Variants in NT5DC1 observed in about 807,000 individuals in gnomAD.
NT5DC1 encodes the protein 5'-nucleotidase domain-containing protein 1.
NT5DC1 carries 42 observed loss-of-function variants against 59.4 expected under a neutral mutation model. The observed-to-expected ratio is 0.71, with a 90% CI of 0.55 to 0.92. The LOEUF (loss-of-function observed/expected upper bound fraction) is 0.92. Ranked by LOEUF, NT5DC1 falls within the 40% of genes least tolerant of loss-of-function variation. The probability of loss-of-function intolerance (pLI) is 0.00; values close to 1 mark genes in which losing one functional copy is unlikely to be tolerated. For missense variants in NT5DC1, 501 were observed against 537.1 expected, an observed-to-expected ratio of 0.93 and a Z score of 0.66; for synonymous variants, 172 against 188.1, an observed-to-expected ratio of 0.91 and a Z score of 0.70.
intron 11 of NT5DC1, among the ~76,000 whole-genome samples, chr6:116,240,882 G>T (rs1013401681): frequency 2.0e-5 from 3 of 152,114 alleles, no homozygotes; most frequent in African/African-American, 4.8e-5. Context: ...GGTGGCTCAC[G>T]CCTGTAATCC....
At chr6:116,104,322 T>C (rs2114896429) in intron 1 of NT5DC1, among the ~76,000 whole-genome samples, 1 of 152,346 alleles carries the variant, frequency 6.6e-6, no homozygotes, top group African/African-American at 2.4e-5. Context: ...TTGCTGTCCC[T>C]GTTGGCGTCT....
intron 6 of NT5DC1, among the ~76,000 whole-genome samples, chr6:116,164,662 G>A (rs1279623549): frequency 1.3e-5 from 2 of 152,128 alleles, no homozygotes; most frequent in Non-Finnish European, 2.9e-5. Flanking sequence ...TTATTTTATA[G>A]GATGTGTGAA....
At chr6:116,156,221 G>T (rs73566408) in intron 6 of NT5DC1, among the ~76,000 whole-genome samples, 4 of 151,964 alleles carry the variant, frequency 2.6e-5, no homozygotes, top group African/African-American at 9.7e-5. Flanking sequence ...TCTTGTGTTT[G>T]CTCTTCACTT....
At chr6:116,202,323 C>T (rs199846390) in intron 6 of NT5DC1, among the ~76,000 whole-genome samples, 2 of 151,912 alleles carry the variant, frequency 1.3e-5, no homozygotes, top group East Asian at 3.9e-4. Flanking sequence ...AGTAGCAGAA[C>T]AAAGTTCCTT....
In NT5DC1 at chr6:116,245,108, A is replaced by T. The variant is rs1284903308; in HGVS notation, c.*1084A>T. On this transcript the variant is annotated 3_prime_UTR_variant, in exon 12 of 12. Coordinates refer to ENST00000319550, the MANE Select transcript of NT5DC1 (RefSeq NM_152729.3). ...AATGAACAAAAAGTTTGAGAAAAAA[A>T]TGCTTTAATGGGTTTTACAGGCATG... 6.6e-6 allele frequency: 1 copy of T among 152,190 alleles called. No individual in the cohort carries two copies. Among genetic ancestry groups the T allele is most frequent in the Non-Finnish European group, 1.5e-5 (1 of 68,030 alleles). The allele number at this position is 152,190 out of a possible 1,614,324, so 9.4% of individuals were successfully genotyped here. A position where few individuals can be genotyped will look rare whatever the true frequency, so the allele number is the denominator to read the frequency against.
chr6:116,100,982 G>A lies in NT5DC1; in HGVS notation c.52G>A (p.Asp18Asn). Residue 18 changes from aspartate to asparagine, a missense_variant, in exon 1 of 12, where the codon GAC becomes AAC. Transcript: ENST00000319550. ...CTGCGACGTGGTCGGATTCGACCTG[G>A]ACCACACTCTGTGTCGCTACAACCT... ...AACDVVGFDL[D>N]HTLCRYNLPE... The A allele has an allele frequency of 5.0e-6, 8 of 1,605,644 alleles. No individual in the cohort carries two copies. The highest frequency in any genetic ancestry group is 6.8e-6 in the Non-Finnish European group (8 of 1,177,102).
intron 1 of NT5DC1, among the ~76,000 whole-genome samples, chr6:116,102,316 A>AT (rs1247350081): frequency 6.6e-6 from 1 of 151,906 alleles, no homozygotes; most frequent in Non-Finnish European, 1.5e-5. Flanking sequence ...CAGATGCTAA[A>AT]TTTTTTTTTA....
chr6:116,236,551 A>T (rs1782116971), intron 8 of NT5DC1, among the ~76,000 whole-genome samples: 1 of 152,198 alleles, frequency 6.6e-6, no homozygotes, highest in Non-Finnish European at 1.5e-5. Flanking sequence ...AATCTGATAG[A>T]CTACTAATTA....
intron 8 of NT5DC1, among the ~76,000 whole-genome samples, chr6:116,235,365 A>T (rs1046437489): frequency 2.0e-5 from 3 of 152,172 alleles, no homozygotes; most frequent in Non-Finnish European, 4.4e-5. Flanking sequence ...CTAGTACATG[A>T]TTTTGGCTTC....
At chr6:116,166,901 A>G (rs924264673) in intron 6 of NT5DC1, among the ~76,000 whole-genome samples, 1 of 152,214 alleles carries the variant, frequency 6.6e-6, no homozygotes, top group Non-Finnish European at 1.5e-5. Flanking sequence ...TTTGTTATTC[A>G]GAATTGAGCC....
intron 6 of NT5DC1, chr6:116,120,885 C>T (rs1376204099): frequency 6.2e-7 from 1 of 1,613,908 alleles, no homozygotes; most frequent in East Asian, 2.2e-5. Context: ...ACTCCAGGAT[C>T]ACCTTTTGGA....
chr6:116,108,535 TTTAA>T (rs1170016018), intron 3 of NT5DC1, 100 bp downstream of exon 3: 26 of 712,500 alleles, frequency 3.6e-5, no homozygotes, highest in Non-Finnish European at 6.4e-5. Flanking sequence ...ATATGATTAT[TTTAA>T]TTAATCAGAT....
At chr6:116,120,282 C>T in intron 6 of NT5DC1, 1 of 1,614,182 alleles carries the variant, frequency 6.2e-7, no homozygotes, top group Non-Finnish European at 8.5e-7. Context: ...TACAGGCCTA[C>T]CCAAACATGA....
intron 6 of NT5DC1, among the ~76,000 whole-genome samples, chr6:116,161,429 G>A (rs189588427): frequency 1.4e-4 from 22 of 152,044 alleles, no homozygotes; most frequent in African/African-American, 3.9e-4. Context: ...AAAAGAAATA[G>A]GGGTCCAGTT....
chr6:116,123,314 A>T (rs571675845), intron 6 of NT5DC1, among the ~76,000 whole-genome samples: 3 of 152,336 alleles, frequency 2.0e-5, no homozygotes, highest in African/African-American at 7.2e-5. Context: ...TCAACTTCTC[A>T]GTGCGAGAAA....
intron 6 of NT5DC1, chr6:116,125,252 T>C: frequency 6.8e-7 from 1 of 1,472,404 alleles, no homozygotes; most frequent in South Asian, 1.2e-5. Flanking sequence ...AACACCAAAG[T>C]TAAATGCATT....
In NT5DC1 at chr6:116,117,894, A is replaced by G. The variant is rs781367433; in HGVS notation, c.478A>G (p.Lys160Glu). 7 of 1,585,758 alleles carry G rather than the reference A, an allele frequency of 4.4e-6. No homozygotes were observed. The South Asian group carries it at 7.8e-5, about 18-fold the overall frequency. Residue 160 changes from lysine to glutamate, a missense_variant, in exon 6 of 12, where the codon AAG becomes GAG. Coordinates refer to ENST00000319550, the MANE Select transcript of NT5DC1 (RefSeq NM_152729.3). ...NNGQKTFDFW[K>E]DIVAAIQHNY... The stretch of plus-strand genomic sequence containing the variant: ...TGGTCAAAAAACATTTGATTTTTGG[A>G]AGGATATAGTTGCTGCTATACAACA...
At chr6:116,121,705 G>C in intron 6 of NT5DC1, 18 of 1,613,984 alleles carry the variant, frequency 1.1e-5, no homozygotes, top group Non-Finnish European at 1.5e-5. Context: ...GTGGGCCCCG[G>C]GGTCCTGGTA....
At chr6:116,196,518 A>G (rs1178745745) in intron 6 of NT5DC1, among the ~76,000 whole-genome samples, 3 of 152,072 alleles carry the variant, frequency 2.0e-5, no homozygotes, top group African/African-American at 7.2e-5. Context: ...TTGGTTTTTA[A>G]TAGCACAAAG....
Sources: allele counts gnomAD v4.1 joint callset (sites outside exome capture counted in the v4.1 genomes callset), GRCh38; gene constraint gnomAD v4.1.1; transcripts MANE v1.5; gene names NCBI Gene and HGNC (gene_info 2026-07-23, HGNC 2026-07-21).